SC5D: variants seen among roughly 807,000 people sequenced by gnomAD.
SC5D encodes the protein sterol-C5-desaturase, also known as lathosterol oxidase.
In SC5D, 21 loss-of-function variants were observed where a neutral mutation model predicts 23.9. The ratio of observed to expected loss-of-function variants is 0.88; its 90% CI spans 0.62 to 1.26. The LOEUF is 1.26. Ranked by LOEUF, SC5D falls within the 50% of genes most tolerant of loss-of-function variation. SC5D has a pLI of 0.00. For synonymous variants in SC5D, 113 were observed against 125.9 expected (o/e 0.90, Z 0.68); for missense variants, 309 against 364.8 (o/e 0.85, Z 1.25).
chr11:121,306,951 T>G, intron 4 of SC5D, 106 bp from the exon 5 acceptor site: 1 of 935,890 alleles, frequency 1.1e-6, no homozygotes, highest in South Asian at 1.3e-5. Flanking sequence ...ATTTTGCTGA[T>G]CTCTACAGGA....
intron 2 of SC5D, chr11:121,303,788 A>T (rs1261884762): frequency 1.1e-5 from 6 of 554,518 alleles, no homozygotes; most frequent in Non-Finnish European, 1.9e-5. Context: ...TTTTAATAAA[A>T]CTATAAGTCT....
At chr11:121,304,783 T>TA (rs963328699) in intron 3 of SC5D, 71 of 308,674 alleles carry the variant, frequency 2.3e-4, no homozygotes, top group South Asian at 4.6e-4. Flanking sequence ...TTCAACCTTC[T>TA]AAAAAAAACT....
In SC5D at chr11:121,312,898, C is replaced by T. The variant is rs1395123823; in HGVS notation, c.*5386C>T. Among the ~76,000 whole-genome samples the T allele has an allele frequency of 6.6e-6, 1 of 152,120 alleles. No individual in the cohort carries two copies. The highest frequency in any genetic ancestry group is 1.5e-5 in the Non-Finnish European group (1 of 67,994). Reference sequence around the variant, plus strand: ...GCATATTCAAATATTAAGACAGACACTGGTGTGGTGACTTTTGTCTGTCGC... The same window carrying T: ...GCATATTCAAATATTAAGACAGACATTGGTGTGGTGACTTTTGTCTGTCGC... On this transcript the variant is annotated 3_prime_UTR_variant, in exon 5 of 5. Transcript: ENST00000264027.
rs1397099020 is a variant in SC5D at position 121,311,088 on chromosome 11, C to T, written c.*3576C>T. On this transcript the variant is annotated 3_prime_UTR_variant, in exon 5 of 5. Coordinates refer to ENST00000264027, the MANE Select transcript of SC5D (RefSeq NM_006918.5). ...ATGTGTGTCTTACCTATTTGAGATG[C>T]CAGATTCCTTGGAAGTAGAGACCGT... Among the ~76,000 whole-genome samples, 1 of 152,168 alleles carries T rather than the reference C, an allele frequency of 6.6e-6. No homozygotes were observed. The highest frequency in any genetic ancestry group is 1.9e-4 in the East Asian group (1 of 5,204).
At chr11:121,293,887 T>G (rs1947870310) in intron 1 of SC5D, among the ~76,000 whole-genome samples, 1 of 152,194 alleles carries the variant, frequency 6.6e-6, no homozygotes, top group South Asian at 2.1e-4. Context: ...GGTTGTGGAA[T>G]GTACATCCCA....
chr11:121,305,677 C>CTCCA (rs139630453), intron 3 of SC5D: 10,124 of 151,594 alleles, frequency 0.067, 353 homozygotes, highest in East Asian at 0.088. Context: ...CGCCACTGCA[C>CTCCA]TCCAGCCTGG....
Position 121,304,446 on chromosome 11 carries a change from T to TA in SC5D, c.298dup (p.Arg100LysfsTer8). The TA allele has an allele frequency of 6.2e-7, 1 of 1,612,716 alleles. No individual in the cohort carries two copies. Among genetic ancestry groups the TA allele is most frequent in the South Asian group, 1.1e-5 (1 of 91,052 alleles). On this transcript the variant is annotated frameshift_variant, in exon 3 of 5. Transcript: ENST00000264027. LOFTEE classifies it high-confidence loss of function. ...ACTGTTGCACTGTTCTTGCTGGAGA[T>TA]AAGAGGTTACAGCAAATTACATGAT...
At chr11:121,293,266 T>C (rs1431314807) in intron 1 of SC5D, among the ~76,000 whole-genome samples, 1 of 152,198 alleles carries the variant, frequency 6.6e-6, no homozygotes, top group African/African-American at 2.4e-5. Context: ...ATGCAGTGTT[T>C]GATGTTGGGT....
intron 1 of SC5D, among the ~76,000 whole-genome samples, chr11:121,295,037 A>G (rs1162273098): frequency 6.6e-6 from 1 of 152,206 alleles, no homozygotes; most frequent in Non-Finnish European, 1.5e-5. Context: ...TCACATTTAT[A>G]TTTACATGTG....
chr11:121,299,870 A>G (rs1042200809), intron 1 of SC5D, among the ~76,000 whole-genome samples: 1 of 152,220 alleles, frequency 6.6e-6, no homozygotes, highest in African/African-American at 2.4e-5. Flanking sequence ...CTCCAGCCTG[A>G]ATGACAGAGC....
rs1947993308 is a variant in SC5D, at chr11:121,309,477, TCTC to T, written c.*1969_*1971del. ...AGACAGTTTGCCGTATTTGTGGTGT[TCTC>T]CTCTTGTTGATGTTGAAATGGTGAA... is the stretch of plus-strand genomic sequence containing the variant. On this transcript the variant is annotated 3_prime_UTR_variant, in exon 5 of 5. Coordinates refer to ENST00000264027, the MANE Select transcript of SC5D (RefSeq NM_006918.5). Among the ~76,000 whole-genome samples, 1 of 152,158 alleles carries T rather than the reference TCTC, an allele frequency of 6.6e-6. No homozygotes were observed. Among genetic ancestry groups the T allele is most frequent in the Admixed American group, 6.5e-5 (1 of 15,276 alleles).
rs927538487 is a variant in SC5D at position 121,308,895 on chromosome 11, G to A, written c.*1383G>A. ...AAATGTCTTTAATCTGTGAGTTATT[G>A]TCACAATGTCATCTTATTTAAATGT... On this transcript the variant is annotated 3_prime_UTR_variant, in exon 5 of 5. Transcript: ENST00000264027. 1.3e-5 allele frequency among the ~76,000 whole-genome samples: 2 copies of A among 152,202 alleles called. No individual in the cohort carries two copies. The highest frequency in any genetic ancestry group is 2.1e-4 in the South Asian group (1 of 4,828).
In SC5D at chr11:121,307,539, G is replaced by A. The variant is rs767759025; in HGVS notation, c.*27G>A. ...TTATTGCCCAGTTATTCTTAAGTAA[G>A]GACAAAGAAGGAAATATCATCGTAT... is the stretch of plus-strand genomic sequence containing the variant. On this transcript the variant is annotated 3_prime_UTR_variant, in exon 5 of 5. Coordinates refer to ENST00000264027, the MANE Select transcript of SC5D (RefSeq NM_006918.5). The A allele has an allele frequency of 6.2e-5, 89 of 1,425,486 alleles. 1 individual carries two copies. In the Admixed American group the frequency reaches 1.7e-3, roughly 27 times the overall value. The allele number at this position is 1,425,486 out of a possible 1,614,324, so 88.3% of individuals were successfully genotyped here.
chr11:121,313,215 CTTGTG>C lies in SC5D; in HGVS notation c.*5706_*5710del. On this transcript the variant is annotated 3_prime_UTR_variant, in exon 5 of 5. Transcript: ENST00000264027. ...TAAATTAAATCAGATAGTATATACT[CTTGTG>C]TTTAGTTTCTTTAGCTTAACATGTT... Among the ~76,000 whole-genome samples, 1 of 152,226 alleles carries C rather than the reference CTTGTG, an allele frequency of 6.6e-6. No individual in the cohort carries two copies. The highest frequency in any genetic ancestry group is 1.5e-5 in the Non-Finnish European group (1 of 68,002).
At chr11:121,295,134 T>C (rs1468219933) in intron 1 of SC5D, among the ~76,000 whole-genome samples, 1 of 152,198 alleles carries the variant, frequency 6.6e-6, no homozygotes, top group Non-Finnish European at 1.5e-5. Flanking sequence ...ACCCCAGATA[T>C]CTGAGACAGG....
intron 3 of SC5D, chr11:121,305,804 ATATGAT>A (rs1947960014): frequency 6.5e-6 from 1 of 153,194 alleles, no homozygotes; most frequent in African/African-American, 2.4e-5. Context: ...TGAAAAATGG[ATATGAT>A]TATGAGTTAA....
At chr11:121,303,341 A>G in intron 1 of SC5D, 25 bp from the exon 2 acceptor site, 1 of 1,596,730 alleles carries the variant, frequency 6.3e-7, no homozygotes. Flanking sequence ...ATGGTAACTA[A>G]TTGTCACACA....
intron 4 of SC5D, chr11:121,306,846 C>CAGT (rs1947969462): frequency 1.5e-6 from 1 of 650,254 alleles, no homozygotes; most frequent in South Asian, 1.8e-5. Context: ...CACCACTGTG[C>CAGT]AGTATATCCA....
rs993564157 is a variant in SC5D, at chr11:121,310,200, A to G, written c.*2688A>G. Reference sequence around the variant, plus strand: ...ATGACTGAGAACAAAGATATTTGGGATTAACACAGATAGAAGAAAAGTTTG... The same window carrying G: ...ATGACTGAGAACAAAGATATTTGGGGTTAACACAGATAGAAGAAAAGTTTG... On this transcript the variant is annotated 3_prime_UTR_variant, in exon 5 of 5. Coordinates refer to ENST00000264027, the MANE Select transcript of SC5D (RefSeq NM_006918.5). 5.9e-5 allele frequency among the ~76,000 whole-genome samples: 9 copies of G among 152,242 alleles called. No individual in the cohort carries two copies. Among genetic ancestry groups the G allele is most frequent in the Admixed American group, 3.9e-4 (6 of 15,282 alleles).
Sources: gnomAD v4.1 joint callset for allele counts (sites outside exome capture counted in the v4.1 genomes callset) on GRCh38, gnomAD v4.1.1 for gene constraint, MANE v1.5 for transcripts, NCBI Gene and HGNC (gene_info 2026-07-23, HGNC 2026-07-21) for gene names.